The following SERPINA4 variants were observed in gnomAD, a reference collection of about 807,000 sequenced individuals.
The protein encoded by SERPINA4 is kallistatin.
SERPINA4 carries 24 observed loss-of-function variants against 25.4 expected under a neutral mutation model. The ratio of observed to expected loss-of-function variants is 0.95; its 90% CI spans 0.69 to 1.33. The LOEUF is 1.33. Among genes scored for constraint, SERPINA4 ranks in the 40% most tolerant of loss-of-function variants. SERPINA4 has a pLI of 0.00. For synonymous variants in SERPINA4, 242 were observed against 223.6 expected (o/e 1.08, Z -0.73); for missense variants, 553 against 535.8 (o/e 1.03, Z -0.32).
At position 94,563,575 on chromosome 14, in the gene SERPINA4, C is replaced by T. The variant is rs1379024817; in HGVS notation, c.93C>T (p.Cys31=). The change falls in exon 2 of 5, where the codon TGC becomes TGT. Residue 31 remains cysteine (C), a synonymous_variant. Transcript: ENST00000557004. The stretch of plus-strand genomic sequence containing the variant: ...ACGTTGAGCATGATGGTGAGAGTTG[C>T]AGTAACAGCTCCCACCAGCAGATTC... ...QLHVEHDGES[C]SNSSHQQILE... is the part of the protein sequence containing the mutation. The T allele has an allele frequency of 1.9e-6, 3 of 1,613,914 alleles. No homozygotes were observed. Among genetic ancestry groups the T allele is most frequent in the Admixed American group, 3.3e-5 (2 of 60,006 alleles).
intron 2 of SERPINA4, among the ~76,000 whole-genome samples, chr14:94,565,540 GT>G (rs1314923427): frequency 6.6e-6 from 1 of 152,046 alleles, no homozygotes; most frequent in East Asian, 1.9e-4. Context: ...CCATTGAAAA[GT>G]TTTTTTAAAA....
chr14:94,561,783 G>A (rs1902035525), intron 1 of SERPINA4: 1 of 1,289,794 alleles, frequency 7.8e-7, no homozygotes, highest in Non-Finnish European at 1.0e-6. Flanking sequence ...CTGACTGAGG[G>A]CCAAGGTCTT....
chr14:94,562,293 A>G (rs1470232622), intron 1 of SERPINA4, among the ~76,000 whole-genome samples: 4 of 152,192 alleles, frequency 2.6e-5, no homozygotes, highest in Non-Finnish European at 5.9e-5. Context: ...CGCTTTGCAG[A>G]AAAAGTTTTC....
chr14:94,562,361 G>A (rs910843646), intron 1 of SERPINA4, among the ~76,000 whole-genome samples: 1 of 152,206 alleles, frequency 6.6e-6, no homozygotes, highest in Admixed American at 6.5e-5. Context: ...GAACCTACAG[G>A]AGAGTCTAGG....
chr14:94,561,794 C>T (rs1465628554), intron 1 of SERPINA4: 1 of 1,289,848 alleles, frequency 7.8e-7, no homozygotes, highest in Non-Finnish European at 1.0e-6. Context: ...CCAAGGTCTT[C>T]TGGCTGCCAA....
Position 94,561,588 on chromosome 14 carries a change from T to C in SERPINA4, c.-18+94T>C. 3 of 1,125,120 alleles carry C rather than the reference T, an allele frequency of 2.7e-6. No individual in the cohort carries two copies. In the South Asian group the frequency reaches 4.3e-5, roughly 16 times the overall value. 69.7% of individuals were successfully genotyped at this position (1,125,120 alleles called of 1,614,324 possible). A position where few individuals can be genotyped will look rare whatever the true frequency, so the allele number is the denominator to read the frequency against. On this transcript the variant is annotated intron_variant, in intron 1 of 4. Transcript: ENST00000557004. ...CCCAAGACTGATAATTCTTCTGGGA[T>C]ATATTTTCAGTGCTAAAACCAGGAA...
chr14:94,561,515 A>T (rs752265289), intron 1 of SERPINA4, 21 bp downstream of exon 1: 19 of 520,734 alleles, frequency 3.6e-5, no homozygotes, highest in African/African-American at 6.0e-5. Flanking sequence ...CCCTGAGACA[A>T]TGGAGACGAG....
chr14:94,568,716 G>A (rs1013032788), intron 4 of SERPINA4, among the ~76,000 whole-genome samples: 28 of 152,056 alleles, frequency 1.8e-4, no homozygotes, highest in African/African-American at 6.8e-4. Context: ...TTAGAATGGT[G>A]TGGTGGCGGG....
Position 94,567,094 on chromosome 14 carries a change from C to T in SERPINA4, c.774C>T (p.Asp258=), listed in dbSNP as rs375757385. 4 of 1,614,218 alleles carry T rather than the reference C, an allele frequency of 2.5e-6. No homozygotes were observed. In the South Asian group the frequency reaches 4.4e-5, roughly 18 times the overall value. Reference sequence around the variant, plus strand: ...AGGAGCATCACTGGTATCTTCATGACAGATACTTGCCCTGCTCGGTGCTAC... The same window carrying T: ...AGGAGCATCACTGGTATCTTCATGATAGATACTTGCCCTGCTCGGTGCTAC... The part of the protein sequence containing the change: ...QDQEHHWYLH[D]RYLPCSVLRM... The change falls in exon 3 of 5, where the codon GAC becomes GAT. Residue 258 remains aspartate (D), a synonymous_variant. Coordinates refer to ENST00000557004, the MANE Select transcript of SERPINA4 (RefSeq NM_006215.4).
intron 2 of SERPINA4, among the ~76,000 whole-genome samples, chr14:94,566,293 A>G (rs1028571994): frequency 6.6e-6 from 1 of 152,196 alleles, no homozygotes; most frequent in Non-Finnish European, 1.5e-5. Flanking sequence ...CTCACTTGAT[A>G]TTTGTGAATG....
Position 94,568,000 on chromosome 14 carries a change from G to A in SERPINA4, c.924-129G>A, listed in dbSNP as rs13306800. The A allele has an allele frequency of 5.0e-4, 448 of 892,930 alleles. 2 individuals are homozygous for A. The East Asian group carries it at 9.2e-3, about 18-fold the overall frequency. The allele number at this position is 892,930 out of a possible 1,614,324, so 55.3% of individuals were successfully genotyped here. A position where few individuals can be genotyped will look rare whatever the true frequency, so the allele number is the denominator to read the frequency against. On this transcript the variant is annotated intron_variant, in intron 3 of 4. Coordinates refer to ENST00000557004, the MANE Select transcript of SERPINA4 (RefSeq NM_006215.4). ...CCATTTGTGGGAGGTGGTCTGAGCC[G>A]AAGCTGTTTGTGGGGACAGAACTCA...
rs1902323108 is a variant in SERPINA4, at chr14:94,569,443, G to A, written c.1132G>A (p.Ala378Thr). 6.2e-7 allele frequency: 1 copy of A among 1,614,186 alleles called. No homozygotes were observed. Among genetic ancestry groups the A allele is most frequent in the Non-Finnish European group, 8.5e-7 (1 of 1,180,044 alleles). The change falls in exon 5 of 5, where the codon GCA becomes ACA. Residue 378 changes from alanine to threonine, a missense_variant. By Grantham distance (58) the Ala-to-Thr change is moderately conservative. Transcript: ENST00000557004. ...CGTGGATGAGGCTGGCACCGAGGCT[G>A]CAGCAGCCACCAGCTTCGCGATCAA... ...LDVDEAGTEA[A>T]AATSFAIKFF...
chr14:94,569,336 T>C, intron 4 of SERPINA4, 59 bp from the exon 5 acceptor site: 1 of 1,533,946 alleles, frequency 6.5e-7, no homozygotes, highest in South Asian at 1.1e-5. Context: ...GCTCTCGCAG[T>C]CTTGTCCAGG....
chr14:94,565,209 A>G (rs1263873278), intron 2 of SERPINA4, among the ~76,000 whole-genome samples: 1 of 152,254 alleles, frequency 6.6e-6, no homozygotes, highest in Admixed American at 6.5e-5. Flanking sequence ...TCAACCAGCC[A>G]TCAGAGTGCT....
chr14:94,567,023 G>A lies in SERPINA4; in HGVS notation c.703G>A (p.Val235Ile). The part of the protein sequence containing the change: ...SSRTTPKDFY[V>I]DENTTVRVPM... ...AAGGACCACTCCCAAAGACTTCTAT[G>A]TTGATGAGAACACAACAGTCCGGGT... The change falls in exon 3 of 5, where the codon GTT becomes ATT. Residue 235 changes from valine to isoleucine, a missense_variant. Coordinates refer to ENST00000557004, the MANE Select transcript of SERPINA4 (RefSeq NM_006215.4). 6.2e-7 allele frequency: 1 copy of A among 1,614,204 alleles called. No homozygotes were observed. Among genetic ancestry groups the A allele is most frequent in the South Asian group, 1.1e-5 (1 of 91,080 alleles).
At chr14:94,562,258 C>A (rs1382168876) in intron 1 of SERPINA4, among the ~76,000 whole-genome samples, 1 of 152,158 alleles carries the variant, frequency 6.6e-6, no homozygotes, top group East Asian at 1.9e-4. Context: ...GTGTGGTCTG[C>A]AAAACCACAG....
rs749209997 is a variant in SERPINA4, at chr14:94,563,799, G to T, written c.317G>T (p.Gly106Val). ...CGCAGCCAGATCCTTGAGGGCCTGG[G>T]CTTCAACCTCACCGAGCTGTCTGAG... ...HSRSQILEGL[G>V]FNLTELSESD... The change falls in exon 2 of 5, where the codon GGC (glycine) becomes GTC (valine). Residue 106 changes from glycine (G) to valine (V), a missense_variant. Gly to Val is a moderately radical substitution (Grantham distance 109). Coordinates refer to ENST00000557004, the MANE Select transcript of SERPINA4 (RefSeq NM_006215.4). The T allele has an allele frequency of 3.1e-6, 5 of 1,614,056 alleles. No individual in the cohort carries two copies. The highest frequency in any genetic ancestry group is 1.7e-5 in the Admixed American group (1 of 60,004).
At chr14:94,567,353 T>G in intron 3 of SERPINA4, 110 bp downstream of exon 3, 58 of 1,185,106 alleles carry the variant, frequency 4.9e-5, no homozygotes, top group African/African-American at 7.7e-5. Context: ...TATGAGAGAA[T>G]TCTCACTTGC....
rs555722235 is a variant in SERPINA4 at position 94,567,677 on chromosome 14, A to G, written c.923+434A>G. On this transcript the variant is annotated intron_variant, in intron 3 of 4. Transcript: ENST00000557004. ...CCCATCACTCTGGTTATGATTGGAA[A>G]AAGTCTTCAACCATATATAAGAAAA... Among the ~76,000 whole-genome samples the G allele has an allele frequency of 2.0e-5, 3 of 152,372 alleles. No individual in the cohort carries two copies. In the South Asian group the frequency reaches 6.2e-4, roughly 32 times the overall value.
Sources: allele counts gnomAD v4.1 joint callset (sites outside exome capture counted in the v4.1 genomes callset), GRCh38; gene constraint gnomAD v4.1.1; transcripts MANE v1.5; gene names NCBI Gene and HGNC (gene_info 2026-07-23, HGNC 2026-07-21).